The following ATP8A2 variants were observed in gnomAD, a reference collection of about 807,000 sequenced individuals.
ATP8A2 encodes ATPase phospholipid transporting 8A2.
ATP8A2 carries 100 observed loss-of-function variants against 165.6 expected under a neutral mutation model. The observed-to-expected ratio is 0.60, with a 90% CI of 0.51 to 0.71. The LOEUF (loss-of-function observed/expected upper bound fraction) is 0.71. ATP8A2 is among the 30% of genes least tolerant of loss of function. The pLI is 0.00. For missense variants in ATP8A2, 1,227 were observed against 1,479.5 expected (o/e 0.83, Z 2.80); for synonymous variants, 543 against 548.8 (o/e 0.99, Z 0.15).
chr13:25,709,958 A>G (rs2043127364), intron 25 of ATP8A2, among the ~76,000 whole-genome samples: 1 of 152,170 alleles, frequency 6.6e-6, no homozygotes, highest in Admixed American at 6.5e-5. Flanking sequence ...TGTTTCCTTT[A>G]TTTGAAATCT....
At chr13:25,887,628 G>A (rs904972957) in intron 33 of ATP8A2, among the ~76,000 whole-genome samples, 11 of 152,234 alleles carry the variant, frequency 7.2e-5, no homozygotes, top group African/African-American at 2.2e-4. Flanking sequence ...GAGCCACAGC[G>A]CCAGGCCCCT....
chr13:25,815,261 C>T (rs1156342799), intron 27 of ATP8A2, among the ~76,000 whole-genome samples: 1 of 152,126 alleles, frequency 6.6e-6, no homozygotes, highest in Non-Finnish European at 1.5e-5. Context: ...AGTGAAAAGG[C>T]AGCCTATGGA....
At chr13:25,543,041 A>T (rs141896720) in intron 9 of ATP8A2, among the ~76,000 whole-genome samples, 1 of 152,302 alleles carries the variant, frequency 6.6e-6, no homozygotes, top group East Asian at 1.9e-4. Context: ...CATGAGAGAT[A>T]TAATTACCTG....
intron 1 of ATP8A2, among the ~76,000 whole-genome samples, chr13:25,468,554 C>A (rs1041555380): frequency 6.6e-6 from 1 of 152,226 alleles, no homozygotes; most frequent in African/African-American, 2.4e-5. Flanking sequence ...GAGCTCAGTT[C>A]CCGGGACTAG....
chr13:25,634,702 A>G (rs2041327423), intron 24 of ATP8A2, among the ~76,000 whole-genome samples: 1 of 152,098 alleles, frequency 6.6e-6, no homozygotes, highest in South Asian at 2.1e-4. Flanking sequence ...TGTTTATTTT[A>G]GTTTTTGAAA....
At position 25,925,369 on chromosome 13, in the gene ATP8A2, C is replaced by G. The variant is rs543494287; in HGVS notation, c.3184-36206C>G. ...CTAACATGGTGAAACCCCATCTCTA[C>G]TAAAAATACAAAAAAGTAGCCGGGT... On this transcript the variant is annotated intron_variant, in intron 33 of 36. Transcript: ENST00000381655. Among the ~76,000 whole-genome samples, 3 of 152,132 alleles carry G rather than the reference C, an allele frequency of 2.0e-5. No homozygotes were observed. The South Asian group carries it at 6.2e-4, about 32-fold the overall frequency.
chr13:25,417,547 C>G (rs959156336), intron 1 of ATP8A2, among the ~76,000 whole-genome samples: 1 of 88,982 alleles, frequency 1.1e-5, no homozygotes, highest in Non-Finnish European at 2.4e-5. Flanking sequence ...CTCTTTAACA[C>G]TCCAAATTTG....
intron 4 of ATP8A2, among the ~76,000 whole-genome samples, chr13:25,531,999 A>G (rs1418192359): frequency 3.3e-5 from 5 of 152,240 alleles, no homozygotes; most frequent in Admixed American, 3.3e-4. Flanking sequence ...ATCACACTGA[A>G]TAATCATTTC....
At chr13:25,839,476 T>A in intron 29 of ATP8A2, 70 bp from the exon 30 acceptor site, 6 of 1,058,628 alleles carry the variant, frequency 5.7e-6, no homozygotes, top group Non-Finnish European at 8.9e-6. Flanking sequence ...CAATGTGGCG[T>A]TTGTTGAGAG....
At chr13:25,591,007 C>A (rs1173263033) in intron 24 of ATP8A2, among the ~76,000 whole-genome samples, 1 of 152,070 alleles carries the variant, frequency 6.6e-6, no homozygotes, top group Non-Finnish European at 1.5e-5. Context: ...CCAGGTCATA[C>A]CTCATCTCCT....
chr13:25,619,266 G>A (rs2040908770), intron 24 of ATP8A2, among the ~76,000 whole-genome samples: 1 of 152,104 alleles, frequency 6.6e-6, no homozygotes, highest in South Asian at 2.1e-4. Context: ...AGACAGCCAG[G>A]TTTCCTGAGG....
At chr13:25,491,113 A>G (rs542444884) in intron 2 of ATP8A2, among the ~76,000 whole-genome samples, 13 of 152,302 alleles carry the variant, frequency 8.5e-5, no homozygotes, top group South Asian at 6.2e-4. Flanking sequence ...ATATTCTTCA[A>G]TGTAGCACAT....
At chr13:25,937,445 TTTGCTTTTC>T (rs1954937132) in intron 33 of ATP8A2, among the ~76,000 whole-genome samples, 1 of 147,432 alleles carries the variant, frequency 6.8e-6, no homozygotes, top group Admixed American at 7.0e-5. Flanking sequence ...ATTATTGTCC[TTTGCTTTTC>T]TTGCTCTGAA....
At position 25,646,432 on chromosome 13, in the gene ATP8A2, C is replaced by T. The variant is rs142648444; in HGVS notation, c.2212-52741C>T. ...TTGGAAGGCCGAGGCAGGTGGATCA[C>T]GAGGCGAGGTCAGGAGTTCAAGACG... is the stretch of plus-strand genomic sequence containing the variant. On this transcript the variant is annotated intron_variant, in intron 24 of 36. Coordinates refer to ENST00000381655, the MANE Select transcript of ATP8A2 (RefSeq NM_016529.6). Among the ~76,000 whole-genome samples the T allele has an allele frequency of 7.7e-4, 117 of 152,050 alleles. 1 individual carries two copies. The highest frequency in any genetic ancestry group is 2.2e-3 in the African/African-American group (93 of 41,490).
chr13:25,862,598 A>G (rs371719109), intron 33 of ATP8A2, among the ~76,000 whole-genome samples, 190 bp downstream of exon 33: 1 of 152,330 alleles, frequency 6.6e-6, no homozygotes, highest in African/African-American at 2.4e-5. Context: ...CATCCAGTCC[A>G]CAGAAAAGGC....
intron 24 of ATP8A2, among the ~76,000 whole-genome samples, chr13:25,661,028 A>T (rs17082620): frequency 0.034 from 5,220 of 152,226 alleles, 154 homozygotes; most frequent in East Asian, 0.13. Flanking sequence ...CTTCATTTTA[A>T]TAAGCCTGTA....
intron 35 of ATP8A2, among the ~76,000 whole-genome samples, chr13:25,994,496 G>A (rs1201973459): frequency 1.3e-5 from 2 of 152,096 alleles, no homozygotes; most frequent in Admixed American, 6.5e-5. Flanking sequence ...ATAAAGTGTG[G>A]TGCTAGCTGC....
At chr13:25,631,457 T>G (rs2137515413) in intron 24 of ATP8A2, among the ~76,000 whole-genome samples, 3 of 152,310 alleles carry the variant, frequency 2.0e-5, no homozygotes, top group Middle Eastern at 3.4e-3. Flanking sequence ...CCAGGTATTT[T>G]TGGTCTTAAG....
At chr13:25,706,878 T>C (rs963325405) in intron 25 of ATP8A2, among the ~76,000 whole-genome samples, 9 of 152,202 alleles carry the variant, frequency 5.9e-5, no homozygotes, top group African/African-American at 2.2e-4. Context: ...TAGGTTTTTT[T>C]AAATTTAACT....
Sources: allele counts gnomAD v4.1 joint callset (sites outside exome capture counted in the v4.1 genomes callset), GRCh38; gene constraint gnomAD v4.1.1; transcripts MANE v1.5; gene names NCBI Gene and HGNC (gene_info 2026-07-23, HGNC 2026-07-21).